KMT2A: variants seen among roughly 807,000 people sequenced by gnomAD.
The protein encoded by KMT2A is histone-lysine N-methyltransferase 2A.
In KMT2A, 16 loss-of-function variants were observed where a neutral mutation model predicts 345.3. The observed-to-expected ratio is 0.05, with a 90% confidence interval of 0.03 to 0.07. The LOEUF is 0.07. KMT2A is among the 10% of genes least tolerant of loss of function. The pLI, the probability that KMT2A is intolerant of heterozygous loss-of-function variation, is 1.00. For missense variants in KMT2A, 3,272 were observed against 4,841.6 expected (o/e 0.68, Z 9.62); for synonymous variants, 1,599 against 1,778.6 (o/e 0.90, Z 2.54).
Position 118,520,120 on chromosome 11 carries a change from G to A in KMT2A, c.11429+56G>A. The A allele has an allele frequency of 8.7e-7, 1 of 1,143,728 alleles. No individual in the cohort carries two copies. The highest frequency in any genetic ancestry group is 1.3e-6 in the Non-Finnish European group (1 of 763,908). 70.8% of individuals were successfully genotyped at this position (1,143,728 alleles called of 1,614,324 possible). On this transcript the variant is annotated intron_variant, in intron 33 of 35. Transcript: ENST00000534358. The surrounding 1 kb of genome is among the most constrained non-coding windows in gnomAD (Gnocchi z 4.3). ...AACTGCTTTCCCTCTCCTCCAGCTGGTCAGGGCACTACGTAGGAATTTGTT... is the reference window on the plus strand; with the variant it reads ...AACTGCTTTCCCTCTCCTCCAGCTGATCAGGGCACTACGTAGGAATTTGTT...
chr11:118,452,994 A>G (rs1949571390), intron 1 of KMT2A, among the ~76,000 whole-genome samples: 1 of 151,956 alleles, frequency 6.6e-6, no homozygotes. Flanking sequence ...ATCTCCTCTC[A>G]TCTAGTCAGG....
At chr11:118,450,813 A>G (rs1949520781) in intron 1 of KMT2A, 1 of 152,244 alleles carries the variant, frequency 6.6e-6, no homozygotes, top group Non-Finnish European at 1.5e-5. Context: ...ATATGATGTC[A>G]GTTCAATAAC....
At position 118,504,009 on chromosome 11, in the gene KMT2A, T is replaced by C. The variant is rs1555047013; in HGVS notation, c.8117T>C (p.Phe2706Ser). The C allele has an allele frequency of 1.2e-6, 2 of 1,614,202 alleles. No homozygotes were observed. Among genetic ancestry groups the C allele is most frequent in the East Asian group, 2.2e-5 (1 of 44,882 alleles). The change falls in exon 27 of 36, where the codon TTT becomes TCT. Residue 2706 changes from phenylalanine to serine, a missense_variant. Physicochemically the swap from Phe to Ser is radical, Grantham distance 155 (BLOSUM62 -2). Around this residue, in one of 27 missense-constraint regions of KMT2A, gnomAD observed 47 missense variants for 53.6 expected, o/e 0.88. Coordinates refer to ENST00000534358, the MANE Select transcript of KMT2A (RefSeq NM_001197104.2). The surrounding 1 kb of genome is among the most constrained non-coding windows in gnomAD (Gnocchi z 6.4). ...GEERLASHNL[F>S]REEEQCDLPK... ...GAACGACTGGCATCCCATAATTTAT[T>C]TCGGGAGGAGGAACAGTGTGATCTT...
At chr11:118,452,063 C>CTCT (rs1301536641) in intron 1 of KMT2A, among the ~76,000 whole-genome samples, 1 of 152,068 alleles carries the variant, frequency 6.6e-6, no homozygotes, top group Non-Finnish European at 1.5e-5. Flanking sequence ...CGAGGTCTCA[C>CTCT]TATGTTACCT....
intron 1 of KMT2A, among the ~76,000 whole-genome samples, chr11:118,465,229 T>G (rs760469192): frequency 1.3e-4 from 20 of 152,046 alleles, no homozygotes; most frequent in Non-Finnish European, 2.9e-4. Flanking sequence ...AGAGTGAAAC[T>G]CTTATCTTAA....
rs1950471933 is a variant in KMT2A, at chr11:118,499,844, C to A, written c.6089C>A (p.Thr2030Lys). ...ENIHMMIGSM[T>K]IDCLGILNDL... ...TTCTTTCCTTGGTCAGGGTCTATGA[C>A]AATCGACTGCTTAGGAATTCTAAAT... Residue 2030 changes from threonine to lysine, a missense_variant, in exon 24 of 36, where the codon ACA becomes AAA. Physicochemically the swap from Thr to Lys is moderately conservative, Grantham distance 78. This residue lies in a region of KMT2A where 235 missense variants were observed against 503.4 expected (regional missense o/e 0.47). Coordinates refer to ENST00000534358, the MANE Select transcript of KMT2A (RefSeq NM_001197104.2). 6.2e-7 allele frequency: 1 copy of A among 1,610,178 alleles called. No individual in the cohort carries two copies. Among genetic ancestry groups the A allele is most frequent in the Non-Finnish European group, 8.5e-7 (1 of 1,176,442 alleles).
intron 1 of KMT2A, chr11:118,448,448 A>G (rs1949466253): frequency 6.6e-6 from 1 of 152,148 alleles, no homozygotes; most frequent in African/African-American, 2.4e-5. Context: ...ATCACTCAGA[A>G]TGAAACCTTT....
At chr11:118,438,803 A>T (rs1365281376) in intron 1 of KMT2A, among the ~76,000 whole-genome samples, 3 of 151,992 alleles carry the variant, frequency 2.0e-5, no homozygotes, top group African/African-American at 7.3e-5. Context: ...GAGACTGACA[A>T]CAACCCGCCT....
In KMT2A at chr11:118,501,041, A is replaced by G. The variant is rs782522865; in HGVS notation, c.6213A>G (p.Thr2071=). The change falls in exon 25 of 36, where the codon ACA becomes ACG. Residue 2071 remains threonine (T), a synonymous_variant. Coordinates refer to ENST00000534358, the MANE Select transcript of KMT2A (RefSeq NM_001197104.2). ...ATGCTCGCAAGCGCTGTGTATATAC[A>G]TGCAAGATAGTGGAGTGCCGTCCTC... ...TTDARKRCVY[T]CKIVECRPPV... 29 of 1,614,198 alleles carry G rather than the reference A, an allele frequency of 1.8e-5. No homozygotes were observed. In the East Asian group the frequency reaches 4.5e-4, roughly 25 times the overall value.
At position 118,481,968 on chromosome 11, in the gene KMT2A, G is replaced by A; in HGVS notation, c.3888G>A (p.Lys1296=). Residue 1296 remains lysine (K), a synonymous_variant, in exon 7 of 36, where the codon AAG becomes AAA. Coordinates refer to ENST00000534358, the MANE Select transcript of KMT2A (RefSeq NM_001197104.2). The part of the protein sequence containing the change: ...ATTPASRKSS[K]QVSQPALVIP... ...CTCCAGCTTCCAGGAAGTCAAGCAA[G>A]CAGGTCTCCCAGCCAGCACTGGTCA... 3.1e-6 allele frequency: 5 copies of A among 1,614,178 alleles called. No individual in the cohort carries two copies. The highest frequency in any genetic ancestry group is 4.2e-6 in the Non-Finnish European group (5 of 1,180,036).
intron 10 of KMT2A, among the ~76,000 whole-genome samples, chr11:118,485,998 G>T (rs1351390336): frequency 4.6e-5 from 7 of 152,172 alleles, no homozygotes; most frequent in African/African-American, 1.7e-4. Context: ...CAGGAGAACG[G>T]CATGAACCCG....
Position 118,478,127 on chromosome 11 carries a change from G to T in KMT2A, c.3495G>T (p.Glu1165Asp), listed in dbSNP as rs1362803373. ...AGTGTCCCGGCTGCCAGGTGCCTGAGGACTGTGGTGTTTGTACTAATTGCT... is the reference window on the plus strand; with the variant it reads ...AGTGTCCCGGCTGCCAGGTGCCTGATGACTGTGGTGTTTGTACTAATTGCT... The part of the protein sequence containing the change: ...CGQCPGCQVP[E>D]DCGVCTNCLD... Residue 1165 changes from glutamate (E) to aspartate (D), a missense_variant, in exon 5 of 36, where the codon GAG becomes GAT. Glu to Asp is a conservative substitution (Grantham distance 45). Transcript: ENST00000534358. 1.2e-6 allele frequency: 2 copies of T among 1,614,054 alleles called. No individual in the cohort carries two copies. The highest frequency in any genetic ancestry group is 1.7e-6 in the Non-Finnish European group (2 of 1,180,054).
chr11:118,441,299 A>C (rs1949308755), intron 1 of KMT2A, among the ~76,000 whole-genome samples: 1 of 151,928 alleles, frequency 6.6e-6, no homozygotes, highest in Non-Finnish European at 1.5e-5. Flanking sequence ...CAGATTATAC[A>C]TTTGCCTATA....
In KMT2A at chr11:118,494,321, C is replaced by T; in HGVS notation, c.5212C>T (p.Gln1738Ter). The change falls in exon 17 of 36, where the codon CAA becomes TAA. Residue 1738 changes from glutamine (Q) to a stop codon, truncating the protein, a stop_gained. Coordinates refer to ENST00000534358, the MANE Select transcript of KMT2A (RefSeq NM_001197104.2). LOFTEE classifies it high-confidence loss of function. The surrounding 1 kb of genome is among the most constrained non-coding windows in gnomAD (Gnocchi z 5.8). ...CAGTGATGATATTGTGAAGATCATT[C>T]AAGCAGCCATTAATTCAGATGGAGG... ...EFSDDIVKII[Q>*]AAINSDGGQP... The T allele has an allele frequency of 6.2e-7, 1 of 1,606,538 alleles. No individual in the cohort carries two copies. The highest frequency in any genetic ancestry group is 8.5e-7 in the Non-Finnish European group (1 of 1,173,186).
Position 118,490,918 on chromosome 11 carries a change from CTATT to C in KMT2A, c.4697-277_4697-274del, listed in dbSNP as rs1565293442. On this transcript the variant is annotated intron_variant, in intron 13 of 35. Coordinates refer to ENST00000534358, the MANE Select transcript of KMT2A (RefSeq NM_001197104.2). The surrounding 1 kb of genome is among the most constrained non-coding windows in gnomAD (Gnocchi z 4.2). ...AGAAACTTCTCTCTTCCATTCTTTT[CTATT>C]GTTTTATCTTTAAAATCTACCTCAT... Among the ~76,000 whole-genome samples the C allele has an allele frequency of 6.6e-6, 1 of 152,108 alleles. No individual in the cohort carries two copies. Among genetic ancestry groups the C allele is most frequent in the African/African-American group, 2.4e-5 (1 of 41,430 alleles).
rs782120374 is a variant in KMT2A, at chr11:118,494,910, C to T, written c.5363+143C>T. 4.9e-5 allele frequency: 32 copies of T among 649,916 alleles called. No individual in the cohort carries two copies. Among genetic ancestry groups the T allele is most frequent in the Admixed American group, 8.6e-5 (3 of 34,864 alleles). The allele number at this position is 649,916 out of a possible 1,614,324, so 40.3% of individuals were successfully genotyped here. On this transcript the variant is annotated intron_variant, in intron 18 of 35. Transcript: ENST00000534358. This position sits in a 1 kb window ranked among gnomAD's most constrained non-coding sequence, Gnocchi z 5.8. ...TGCCTTTTCGGTGTGGTTTTGAGGACTACATTTAATGTTTGTTATAAGCAA... is the reference window on the plus strand; with the variant it reads ...TGCCTTTTCGGTGTGGTTTTGAGGATTACATTTAATGTTTGTTATAAGCAA...
intron 1 of KMT2A, chr11:118,450,545 A>T (rs377361643): frequency 1.3e-5 from 2 of 152,130 alleles, no homozygotes; most frequent in East Asian, 3.9e-4. Flanking sequence ...ATATTTGAAA[A>T]CTGGACTTCA....
rs782565279 is a variant in KMT2A at position 118,504,676 on chromosome 11, A to G, written c.8784A>G (p.Leu2928=). The change falls in exon 27 of 36, where the codon CTA becomes CTG. Residue 2928 remains leucine, a synonymous_variant. Coordinates refer to ENST00000534358, the MANE Select transcript of KMT2A (RefSeq NM_001197104.2). The surrounding 1 kb of genome is among the most constrained non-coding windows in gnomAD (Gnocchi z 6.4). ...ISAEEQFELP[L]ELPSDLSVLT... is the part of the protein sequence containing the mutation. ...CAGAGGAACAGTTTGAGTTGCCTCTAGAGCTACCATCTGATCTGTCTGTCT... is the reference window on the plus strand; with the variant it reads ...CAGAGGAACAGTTTGAGTTGCCTCTGGAGCTACCATCTGATCTGTCTGTCT... 31 of 1,614,072 alleles carry G rather than the reference A, an allele frequency of 1.9e-5. No homozygotes were observed. Among genetic ancestry groups the G allele is most frequent in the African/African-American group, 2.7e-5 (2 of 74,922 alleles).
chr11:118,508,140 T>G (rs1010950589), intron 28 of KMT2A, among the ~76,000 whole-genome samples: 1 of 152,148 alleles, frequency 6.6e-6, no homozygotes, highest in Non-Finnish European at 1.5e-5. Context: ...CCCAATCTAC[T>G]CCCTAGAGGT....
Sources: gnomAD v4.1 joint callset for allele counts (sites outside exome capture counted in the v4.1 genomes callset) on GRCh38, gnomAD v4.1.1 for gene constraint, gnomAD v4.1.1 regional missense constraint, Gnocchi (gnomAD v3.1) non-coding constraint, MANE v1.5 for transcripts, NCBI Gene and HGNC (gene_info 2026-07-23, HGNC 2026-07-21) for gene names.